Variants in LYRM4 observed in about 807,000 individuals in gnomAD.
LYRM4 encodes the protein LYR motif-containing protein 4.
Under a neutral mutation model 11.7 loss-of-function variants are expected in LYRM4, and 9 were observed. The observed-to-expected ratio is 0.77, with a 90% CI of 0.46 to 1.34. LYRM4 has a LOEUF of 1.34. Among genes scored for constraint, LYRM4 ranks in the 40% most tolerant of loss-of-function variants. The pLI, the probability that LYRM4 is intolerant of heterozygous loss-of-function variation, is 0.00. For missense variants in LYRM4, 133 were observed against 112.5 expected, an observed-to-expected ratio of 1.18 and a Z score of -0.82; for synonymous variants, 42 against 40.4, an observed-to-expected ratio of 1.04 and a Z score of -0.15.
At chr6:5,199,553 T>C (rs1761265692) in intron 2 of LYRM4, among the ~76,000 whole-genome samples, 1 of 150,862 alleles carries the variant, frequency 6.6e-6, no homozygotes, top group Non-Finnish European at 1.5e-5. Flanking sequence ...CTGTTACACA[T>C]GCTTTTGTGA....
At chr6:5,138,575 G>GT (rs11301112) in intron 2 of LYRM4, 6 of 445,766 alleles carry the variant, frequency 1.3e-5, no homozygotes, top group Admixed American at 9.3e-5. Flanking sequence ...AATAATGACT[G>GT]TTTTTTTTAT....
the LYRM4 span, among the ~76,000 whole-genome samples, chr6:5,071,459 GGGGTGAGCAA>G: frequency 6.6e-6 from 1 of 152,126 alleles, no homozygotes; most frequent in East Asian, 1.9e-4. Flanking sequence ...GGACTCCGGT[GGGGTGAGCAA>G]GGTACTTGGC....
At chr6:5,185,833 G>A (rs1258006466) in intron 2 of LYRM4, among the ~76,000 whole-genome samples, 1 of 152,126 alleles carries the variant, frequency 6.6e-6, no homozygotes, top group Non-Finnish European at 1.5e-5. Context: ...GGGAAAGAGA[G>A]GGACCAATAA....
chr6:5,040,041 G>T, the LYRM4 span, among the ~76,000 whole-genome samples: 1 of 152,142 alleles, frequency 6.6e-6, no homozygotes, highest in Admixed American at 6.5e-5. Flanking sequence ...CAATTAGATA[G>T]CCATATGCAA....
At chr6:5,201,941 C>T (rs1304115258) in intron 2 of LYRM4, among the ~76,000 whole-genome samples, 3 of 152,194 alleles carry the variant, frequency 2.0e-5, no homozygotes, top group Non-Finnish European at 4.4e-5. Flanking sequence ...GAGCTCATTT[C>T]TTAACTTCTC....
At chr6:5,057,810 G>A in the LYRM4 span, among the ~76,000 whole-genome samples, 19 of 151,242 alleles carry the variant, frequency 1.3e-4, no homozygotes, top group African/African-American at 3.9e-4. Flanking sequence ...TCACCCAGGC[G>A]GAGTGCAGTG....
At chr6:5,158,687 G>A (rs983263005) in intron 2 of LYRM4, among the ~76,000 whole-genome samples, 21 of 152,024 alleles carry the variant, frequency 1.4e-4, no homozygotes, top group African/African-American at 4.1e-4. Flanking sequence ...TGCCCAGGCT[G>A]GTCTCAAACT....
At chr6:5,198,843 A>G (rs1761221374) in intron 2 of LYRM4, among the ~76,000 whole-genome samples, 1 of 152,214 alleles carries the variant, frequency 6.6e-6, no homozygotes, top group South Asian at 2.1e-4. Flanking sequence ...CATGTATAAA[A>G]GGTATATCTT....
intron 2 of LYRM4, among the ~76,000 whole-genome samples, chr6:5,111,214 T>TA (rs11419534): frequency 0.1 from 15,695 of 151,784 alleles, 896 homozygotes; most frequent in South Asian, 0.23. Context: ...CAATGATCCT[T>TA]AAAAAAAAGG....
chr6:5,248,683 C>T (rs2773309), intron 1 of LYRM4, among the ~76,000 whole-genome samples: 44,780 of 151,928 alleles, frequency 0.29, 8,480 homozygotes, highest in African/African-American at 0.54. Flanking sequence ...TCTTCAGCTC[C>T]GATCCCCTTT....
chr6:5,095,961 C>T, the LYRM4 span, among the ~76,000 whole-genome samples: 1 of 152,074 alleles, frequency 6.6e-6, no homozygotes, highest in African/African-American at 2.4e-5. Context: ...GCCTGGGTGA[C>T]AGAGTGAGTC....
chr6:5,201,994 G>C (rs1179127247), intron 2 of LYRM4, among the ~76,000 whole-genome samples: 1 of 152,180 alleles, frequency 6.6e-6, no homozygotes, highest in Non-Finnish European at 1.5e-5. Flanking sequence ...AGGCCCTGCA[G>C]GGTCATCCTC....
intron 2 of LYRM4, chr6:5,113,437 G>A (rs1391981225): frequency 5.7e-6 from 2 of 348,958 alleles, no homozygotes; most frequent in African/African-American, 2.2e-5. Flanking sequence ...AAAGAGTGCA[G>A]GTGAGAGGTG....
chr6:5,221,583 C>G (rs1429663706), intron 1 of LYRM4, among the ~76,000 whole-genome samples: 2 of 152,176 alleles, frequency 1.3e-5, no homozygotes, highest in African/African-American at 4.8e-5. Flanking sequence ...ATCCCAGCTA[C>G]CTGGGAGGCT....
chr6:5,159,003 G>A (rs1183274302), intron 2 of LYRM4, among the ~76,000 whole-genome samples: 1 of 152,220 alleles, frequency 6.6e-6, no homozygotes, highest in Non-Finnish European at 1.5e-5. Flanking sequence ...GTGGACCTCG[G>A]CTGGGCCACA....
chr6:5,200,150 C>T (rs1337575310), intron 2 of LYRM4, among the ~76,000 whole-genome samples: 3 of 152,190 alleles, frequency 2.0e-5, no homozygotes, highest in African/African-American at 7.2e-5. Context: ...ATATAGGACA[C>T]TGTGGATATT....
chr6:5,118,079 A>AATAT (rs113661997), intron 2 of LYRM4, among the ~76,000 whole-genome samples: 6 of 40,366 alleles, frequency 1.5e-4, no homozygotes, highest in Admixed American at 2.3e-4. Context: ...TCACCAAAAC[A>AATAT]ATATATATAT....
chr6:5,191,237 G>A (rs1025145441), intron 2 of LYRM4, among the ~76,000 whole-genome samples: 2 of 152,102 alleles, frequency 1.3e-5, no homozygotes, highest in African/African-American at 2.4e-5. Context: ...AAAAGTTCAC[G>A]ATGCATTTGG....
intron 1 of LYRM4, among the ~76,000 whole-genome samples, chr6:5,236,783 A>G (rs1303194170): frequency 8.1e-6 from 1 of 124,132 alleles, no homozygotes; most frequent in Non-Finnish European, 1.6e-5. Context: ...CCCTGTCTCT[A>G]AAAAAAAAAA....
Sources: gnomAD v4.1 joint callset for allele counts (sites outside exome capture counted in the v4.1 genomes callset) on GRCh38, gnomAD v4.1.1 for gene constraint, MANE v1.5 for transcripts, NCBI Gene and HGNC (gene_info 2026-07-23, HGNC 2026-07-21) for gene names.